Variants in JAK2 observed in about 807,000 individuals in gnomAD.
JAK2 encodes tyrosine-protein kinase JAK2.
JAK2 carries 86 observed loss-of-function variants against 139.3 expected under a neutral mutation model. The observed-to-expected ratio is 0.62, with a 90% CI of 0.52 to 0.74. JAK2 has a LOEUF of 0.74. Among genes scored for constraint, JAK2 ranks in the 30% least tolerant of loss-of-function variants. The pLI, the probability that JAK2 is intolerant of heterozygous loss-of-function variation, is 0.00. For missense variants in JAK2, 1,421 were observed against 1,360.3 expected (o/e 1.04, Z -0.70); for synonymous variants, 490 against 437.7 (o/e 1.12, Z -1.49).
intron 3 of JAK2, among the ~76,000 whole-genome samples, chr9:5,025,572 T>A (rs1822730694): frequency 6.6e-6 from 1 of 151,222 alleles, no homozygotes; most frequent in Admixed American, 6.6e-5. Context: ...CTTGCTCTGT[T>A]GCCCAGGCTG....
At chr9:4,987,222 C>T (rs954331733) in intron 2 of JAK2, among the ~76,000 whole-genome samples, 1 of 152,112 alleles carries the variant, frequency 6.6e-6, no homozygotes, top group Non-Finnish European at 1.5e-5. Context: ...CCTGTATTTG[C>T]AATTTATAGC....
At chr9:5,121,456 A>C (rs1291765379) in intron 22 of JAK2, among the ~76,000 whole-genome samples, 2 of 152,092 alleles carry the variant, frequency 1.3e-5, no homozygotes, top group Non-Finnish European at 2.9e-5. Flanking sequence ...AGGAAAATAC[A>C]CTTTTCATAT....
chr9:5,069,235 A>T, intron 11 of JAK2, 27 bp downstream of exon 11: 2 of 1,486,438 alleles, frequency 1.3e-6, no homozygotes, highest in Non-Finnish European at 1.9e-6. Flanking sequence ...GTTATTTTTA[A>T]ATTACTGGTC....
chr9:5,107,317 G>T (rs1462241483), intron 22 of JAK2, among the ~76,000 whole-genome samples: 4 of 151,964 alleles, frequency 2.6e-5, no homozygotes, highest in Non-Finnish European at 1.5e-5. Flanking sequence ...TATTTATATA[G>T]ATAAATCCAG....
At chr9:5,016,824 T>C (rs1452541001) in intron 2 of JAK2, among the ~76,000 whole-genome samples, 1 of 152,170 alleles carries the variant, frequency 6.6e-6, no homozygotes, top group Non-Finnish European at 1.5e-5. Context: ...TGGAAGGATA[T>C]GGAAGTGAGC....
chr9:5,095,033 C>T (rs913969703), intron 22 of JAK2: 3 of 149,390 alleles, frequency 2.0e-5, no homozygotes, highest in Non-Finnish European at 4.5e-5. Flanking sequence ...ATATGTCTGA[C>T]AAAAGAATTA....
At chr9:5,102,665 G>C (rs1344296518) in intron 22 of JAK2, among the ~76,000 whole-genome samples, 1 of 152,198 alleles carries the variant, frequency 6.6e-6, no homozygotes, top group Non-Finnish European at 1.5e-5. Flanking sequence ...TGCCCACAAA[G>C]GGAAGCCCAT....
At chr9:5,005,876 A>T (rs555832044) in intron 2 of JAK2, among the ~76,000 whole-genome samples, 1 of 152,168 alleles carries the variant, frequency 6.6e-6, no homozygotes, top group Non-Finnish European at 1.5e-5. Context: ...TACCAGTACC[A>T]TGCTGTTTTG....
chr9:5,112,470 C>A, intron 22 of JAK2: 1 of 544,822 alleles, frequency 1.8e-6, no homozygotes, highest in Non-Finnish European at 3.3e-6. Flanking sequence ...ACCCCCGGGA[C>A]CGGACCAGCC....
intron 8 of JAK2, among the ~76,000 whole-genome samples, chr9:5,058,053 G>A (rs1438283135): frequency 6.6e-6 from 1 of 152,060 alleles, no homozygotes; most frequent in South Asian, 2.1e-4. Context: ...TATGTATTCT[G>A]TGTCATGTAT....
At chr9:5,106,353 T>C (rs1459093843) in intron 22 of JAK2, among the ~76,000 whole-genome samples, 1 of 152,172 alleles carries the variant, frequency 6.6e-6, no homozygotes, top group African/African-American at 2.4e-5. Context: ...TGAGATACCA[T>C]CTCATGCCAG....
At chr9:5,114,588 T>C in intron 22 of JAK2, 2 of 491,712 alleles carry the variant, frequency 4.1e-6, no homozygotes, top group South Asian at 1.6e-5. Flanking sequence ...CAAGGACATC[T>C]TGGTGCAGTG....
intron 22 of JAK2, among the ~76,000 whole-genome samples, chr9:5,116,894 AAGGTACTGGGAAAACATAAC>A (rs1168597187): frequency 6.6e-6 from 1 of 152,248 alleles, no homozygotes; most frequent in Non-Finnish European, 1.5e-5. Context: ...TGCAATAATT[AAGGTACTGGGAAAACATAAC>A]AGTACAAATA....
intron 2 of JAK2, among the ~76,000 whole-genome samples, chr9:5,007,871 G>A (rs1194642784): frequency 1.3e-5 from 2 of 151,962 alleles, no homozygotes; most frequent in African/African-American, 4.8e-5. Context: ...GGGATTACAG[G>A]CACGTGCCAC....
In JAK2 at chr9:5,127,280, C is replaced by G. The variant is rs1824061891; in HGVS notation, c.*489C>G. 2 of 232,246 alleles carry G rather than the reference C, an allele frequency of 8.6e-6. No homozygotes were observed. Among genetic ancestry groups the G allele is most frequent in the Admixed American group, 5.6e-5 (1 of 17,708 alleles). The allele number at this position is 232,246 out of a possible 1,614,324, so 14.4% of individuals were successfully genotyped here. A position where few individuals can be genotyped will look rare whatever the true frequency, so the allele number is the denominator to read the frequency against. On this transcript the variant is annotated 3_prime_UTR_variant, in exon 25 of 25. Transcript: ENST00000381652. ...TCCATAGTTAATCTATAATTAATTA[C>G]TTCACTATACAAACAAATTAAGATG...
intron 4 of JAK2, among the ~76,000 whole-genome samples, chr9:5,035,799 C>A (rs1046816818): frequency 6.6e-6 from 1 of 152,164 alleles, no homozygotes; most frequent in Non-Finnish European, 1.5e-5. Flanking sequence ...AAACTGGAAG[C>A]ATTCCCTTTG....
intron 19 of JAK2, among the ~76,000 whole-genome samples, chr9:5,088,925 A>G (rs1167190098): frequency 1.3e-5 from 2 of 152,234 alleles, no homozygotes; most frequent in Non-Finnish European, 2.9e-5. Flanking sequence ...GCTTCATTAT[A>G]TAAATTTTGG....
intron 2 of JAK2, among the ~76,000 whole-genome samples, chr9:5,009,104 C>A (rs1415581829): frequency 6.6e-6 from 1 of 152,146 alleles, no homozygotes; most frequent in African/African-American, 2.4e-5. Context: ...ATGATTAGAG[C>A]AGCATTTTCT....
chr9:5,050,595 G>A (rs1563957700), intron 5 of JAK2, 91 bp from the exon 6 acceptor site: 4 of 1,337,472 alleles, frequency 3.0e-6, no homozygotes, highest in Non-Finnish European at 4.2e-6. Flanking sequence ...AAATGCATAT[G>A]TTCTGAAAAT....
Sources: allele counts gnomAD v4.1 joint callset (sites outside exome capture counted in the v4.1 genomes callset), GRCh38; gene constraint gnomAD v4.1.1; transcripts MANE v1.5; gene names NCBI Gene and HGNC (gene_info 2026-07-23, HGNC 2026-07-21).